The following KLF12 variants were observed in gnomAD, a reference collection of about 807,000 sequenced individuals.
KLF12 encodes Krueppel-like factor 12.
In KLF12, 9 loss-of-function variants were observed where a neutral mutation model predicts 37.8. The observed-to-expected ratio is 0.24, with a 90% confidence interval of 0.14 to 0.42. The LOEUF is 0.42. Ranked by LOEUF, KLF12 falls within the 10% of genes least tolerant of loss-of-function variation. KLF12 has a pLI of 1.00. For missense variants in KLF12, 411 were observed against 516.0 expected (o/e 0.80, Z 1.97); for synonymous variants, 208 against 202.1 (o/e 1.03, Z -0.25).
intron 6 of KLF12, among the ~76,000 whole-genome samples, chr13:73,755,610 ACTTT>A (rs1289039472): frequency 7.1e-6 from 1 of 140,222 alleles, no homozygotes; most frequent in African/African-American, 2.8e-5. Flanking sequence ...TTGACAAAGC[ACTTT>A]CTCTCTTTTT....
chr13:73,778,143 AT>A lies in KLF12; in HGVS notation c.807-13144del, dbSNP rs778360941. ...GAGGGAAACTCTGTCCAAAAAAAAA[AT>A]AAAAAAAGAAAACAAAACAAAAGCC... On this transcript the variant is annotated intron_variant, in intron 5 of 7. Coordinates refer to ENST00000377669, the MANE Select transcript of KLF12 (RefSeq NM_007249.5). 2.8e-3 allele frequency among the ~76,000 whole-genome samples: 234 copies of A among 83,388 alleles called. 3 individuals carry two copies. Among genetic ancestry groups the A allele is most frequent in the African/African-American group, 7.8e-3 (151 of 19,422 alleles). 54.7% of individuals were successfully genotyped at this position (83,388 alleles called of 152,430 possible). A position where few individuals can be genotyped will look rare whatever the true frequency, so the allele number is the denominator to read the frequency against.
chr13:74,090,406 A>G (rs561137030), intron 1 of KLF12, among the ~76,000 whole-genome samples: 5 of 152,232 alleles, frequency 3.3e-5, no homozygotes, highest in South Asian at 4.2e-4. Flanking sequence ...TCAACATCCC[A>G]TATCAGAGTG....
At chr13:73,790,144 C>T (rs1881600178) in intron 5 of KLF12, among the ~76,000 whole-genome samples, 1 of 152,212 alleles carries the variant, frequency 6.6e-6, no homozygotes, top group Admixed American at 6.5e-5. Context: ...GTTCACATAA[C>T]AGTACTTAGC....
the KLF12 span, among the ~76,000 whole-genome samples, chr13:74,298,965 C>A: frequency 3.9e-5 from 6 of 152,060 alleles, no homozygotes; most frequent in Admixed American, 3.3e-4. Context: ...GTTAGAGCAA[C>A]CTCAAAGAAC....
chr13:73,961,685 G>C (rs1012445520), intron 2 of KLF12, among the ~76,000 whole-genome samples: 1 of 152,096 alleles, frequency 6.6e-6, no homozygotes, highest in African/African-American at 2.4e-5. Context: ...GTTATAATGA[G>C]ACTTTAGGGC....
chr13:73,878,308 A>G (rs1471913947), intron 3 of KLF12, among the ~76,000 whole-genome samples: 1 of 152,230 alleles, frequency 6.6e-6, no homozygotes, highest in Non-Finnish European at 1.5e-5. Flanking sequence ...ATAAAAAGGG[A>G]AAAACCTTTT....
Position 73,846,212 on chromosome 13 carries a change from G to A in KLF12, c.285C>T (p.Ala95=), listed in dbSNP as rs769042318. 48 of 1,613,998 alleles carry A rather than the reference G, an allele frequency of 3.0e-5. No homozygotes were observed. In the African/African-American group the frequency reaches 3.9e-4, roughly 13 times the overall value. Reference sequence around the variant, plus strand: ...TCATGGAAACTGGGGAGGATGAAACGGCAGTAGGGGACGTCCTGGCTTTGT... The same window carrying A: ...TCATGGAAACTGGGGAGGATGAAACAGCAGTAGGGGACGTCCTGGCTTTGT... The change falls in exon 4 of 8, where the codon GCC becomes GCT. Residue 95 remains alanine, a synonymous_variant. Coordinates refer to ENST00000377669, the MANE Select transcript of KLF12 (RefSeq NM_007249.5).
At chr13:74,161,832 A>G in the KLF12 span, among the ~76,000 whole-genome samples, 6 of 152,232 alleles carry the variant, frequency 3.9e-5, no homozygotes, top group African/African-American at 1.4e-4. Flanking sequence ...ATACGTAAGC[A>G]AATCCACATG....
chr13:74,055,494 C>T (rs931993939), intron 1 of KLF12, among the ~76,000 whole-genome samples: 14 of 152,204 alleles, frequency 9.2e-5, no homozygotes, highest in African/African-American at 3.4e-4. Flanking sequence ...TCCAGTAGGT[C>T]TGATCTCGTA....
the KLF12 span, among the ~76,000 whole-genome samples, chr13:74,237,444 T>G: frequency 2.7e-4 from 37 of 136,632 alleles, no homozygotes; most frequent in African/African-American, 1.2e-3. Flanking sequence ...TGGTTCCATA[T>G]GAACTTTAAA....
At chr13:74,050,092 T>C (rs1049506284) in intron 1 of KLF12, among the ~76,000 whole-genome samples, 2 of 152,040 alleles carry the variant, frequency 1.3e-5, no homozygotes, top group African/African-American at 4.8e-5. Flanking sequence ...CATAAAGGCA[T>C]GTCATTGAGA....
the KLF12 span, among the ~76,000 whole-genome samples, chr13:74,181,711 A>G: frequency 2.2e-5 from 3 of 138,432 alleles, no homozygotes; most frequent in Non-Finnish European, 4.5e-5. Context: ...GAAAAAAAAA[A>G]CAAAAAAAAA....
chr13:73,856,586 G>C (rs1226470481), intron 3 of KLF12, among the ~76,000 whole-genome samples: 1 of 151,930 alleles, frequency 6.6e-6, no homozygotes, highest in East Asian at 1.9e-4. Flanking sequence ...CTTGAGCAGA[G>C]GAGTGACCCT....
chr13:74,145,448 C>T, the KLF12 span, among the ~76,000 whole-genome samples: 1 of 152,174 alleles, frequency 6.6e-6, no homozygotes, highest in East Asian at 1.9e-4. Context: ...CTGTTATCCA[C>T]ATGCATGAGT....
chr13:73,959,035 T>C (rs1890935859), intron 2 of KLF12, among the ~76,000 whole-genome samples: 1 of 144,712 alleles, frequency 6.9e-6, no homozygotes, highest in Non-Finnish European at 1.5e-5. Context: ...AACTGACCCC[T>C]TAACATCTCC....
At chr13:73,951,523 TG>T (rs1890647472) in intron 2 of KLF12, among the ~76,000 whole-genome samples, 1 of 152,184 alleles carries the variant, frequency 6.6e-6, no homozygotes, top group African/African-American at 2.4e-5. Context: ...GCTACAAAGC[TG>T]TGTAAGCCTA....
chr13:74,173,910 G>A, the KLF12 span, among the ~76,000 whole-genome samples: 1 of 152,172 alleles, frequency 6.6e-6, no homozygotes, highest in Admixed American at 6.5e-5. Flanking sequence ...ATAGGCCATT[G>A]TTTATTAACC....
At position 73,871,396 on chromosome 13, in the gene KLF12, T is replaced by C. The variant is rs138498183; in HGVS notation, c.124-25023A>G. ...TGTTCTCCTGAAATACTTAGAGTGG[T>C]TCGTGTTTCCTGTACCATACACTAA... On this transcript the variant is annotated intron_variant, in intron 3 of 7. Coordinates refer to ENST00000377669, the MANE Select transcript of KLF12 (RefSeq NM_007249.5). Among the ~76,000 whole-genome samples the C allele has an allele frequency of 4.1e-3, 630 of 152,284 alleles. 4 individuals carry two copies. Among genetic ancestry groups the C allele is most frequent in the Non-Finnish European group, 7.0e-3 (475 of 68,018 alleles).
chr13:74,144,234 A>G, the KLF12 span, among the ~76,000 whole-genome samples: 3 of 152,218 alleles, frequency 2.0e-5, no homozygotes, highest in Admixed American at 2.0e-4. Context: ...TTTGTCTTCA[A>G]AACTACAATT....
Sources: gnomAD v4.1 joint callset for allele counts (sites outside exome capture counted in the v4.1 genomes callset) on GRCh38, gnomAD v4.1.1 for gene constraint, MANE v1.5 for transcripts, NCBI Gene and HGNC (gene_info 2026-07-23, HGNC 2026-07-21) for gene names.